The following SYT9 variants were observed in gnomAD, a reference collection of about 807,000 sequenced individuals.
SYT9 encodes synaptotagmin-9.
In SYT9, 22 loss-of-function variants were observed where a neutral mutation model predicts 48.4. That is an observed-to-expected ratio of 0.45 (90% CI 0.32 to 0.65). The LOEUF (loss-of-function observed/expected upper bound fraction) is 0.65. Among genes scored for constraint, SYT9 ranks in the 30% least tolerant of loss-of-function variants. The pLI is 0.03. For missense variants in SYT9, 577 were observed against 622.0 expected (o/e 0.93, Z 0.77); for synonymous variants, 265 against 245.0 (o/e 1.08, Z -0.76).
intron 1 of SYT9, among the ~76,000 whole-genome samples, chr11:7,299,144 CAT>C (rs1427011086): frequency 6.6e-6 from 1 of 152,076 alleles, no homozygotes; most frequent in Non-Finnish European, 1.5e-5. Flanking sequence ...CTCATGAACA[CAT>C]GTAAAAATTA....
At chr11:7,393,115 G>A (rs1846669309) in intron 3 of SYT9, among the ~76,000 whole-genome samples, 6 of 151,974 alleles carry the variant, frequency 3.9e-5, no homozygotes, top group Admixed American at 3.9e-4. Flanking sequence ...GATCACTCTG[G>A]CTAGAACTTC....
intron 6 of SYT9, among the ~76,000 whole-genome samples, chr11:7,423,730 C>G (rs1167902841): frequency 1.3e-5 from 2 of 152,064 alleles, no homozygotes; most frequent in African/African-American, 2.4e-5. Flanking sequence ...AGAGAAAGGC[C>G]GGGAATCCAC....
At chr11:7,334,876 T>TG (rs1272621708) in intron 3 of SYT9, among the ~76,000 whole-genome samples, 1 of 152,238 alleles carries the variant, frequency 6.6e-6, no homozygotes, top group East Asian at 1.9e-4. Context: ...GTTTATCCCT[T>TG]GCCTATTAAT....
chr11:7,330,103 C>G (rs942685769), intron 3 of SYT9, among the ~76,000 whole-genome samples: 14 of 152,100 alleles, frequency 9.2e-5, no homozygotes. Flanking sequence ...TGTGAATGTT[C>G]ATAGCAGCTT....
chr11:7,440,925 G>C (rs764494890), intron 6 of SYT9: 2 of 152,208 alleles, frequency 1.3e-5, no homozygotes, highest in African/African-American at 4.8e-5. Flanking sequence ...CACAAGACCA[G>C]TTGCTATGAA....
At chr11:7,429,464 CAT>C (rs570933775) in intron 6 of SYT9, among the ~76,000 whole-genome samples, 82 of 152,308 alleles carry the variant, frequency 5.4e-4, no homozygotes, top group African/African-American at 1.7e-3. Context: ...GATTCTCAGT[CAT>C]GTGGTTGAGC....
intron 3 of SYT9, among the ~76,000 whole-genome samples, chr11:7,406,230 G>GGT (rs1847005214): frequency 1.3e-5 from 2 of 151,936 alleles, no homozygotes; most frequent in African/African-American, 4.8e-5. Context: ...TGCTACTATA[G>GGT]TCACTCTACT....
Position 7,414,141 on chromosome 11 carries a change from A to G in SYT9, c.1045-1901A>G, listed in dbSNP as rs60185035. 1.1e-3 allele frequency among the ~76,000 whole-genome samples: 173 copies of G among 152,344 alleles called. 4 individuals are homozygous for G. The East Asian group carries it at 0.024, about 21-fold the overall frequency. ...GCCTTGAGGGCAGAGATTAGACGGC[A>G]TGCATTTTCACATCCCGAACCTTAC... On this transcript the variant is annotated intron_variant, in intron 3 of 6. Coordinates refer to ENST00000318881, the MANE Select transcript of SYT9 (RefSeq NM_175733.4).
At chr11:7,454,369 T>C (rs1282204371) in intron 6 of SYT9, 1 of 936,656 alleles carries the variant, frequency 1.1e-6, no homozygotes, top group African/African-American at 1.8e-5. Flanking sequence ...CAGCCATCTT[T>C]AGAGGCCTTC....
intron 3 of SYT9, among the ~76,000 whole-genome samples, chr11:7,389,274 T>C (rs1333426457): frequency 6.6e-6 from 1 of 152,108 alleles, no homozygotes; most frequent in East Asian, 1.9e-4. Flanking sequence ...CCTGACACAA[T>C]GGTACTAAAA....
chr11:7,439,654 G>A (rs1847788648), intron 6 of SYT9: 1 of 152,372 alleles, frequency 6.6e-6, no homozygotes, highest in African/African-American at 2.4e-5. Flanking sequence ...CAAATGAGAG[G>A]TCAGGACAAG....
intron 3 of SYT9, among the ~76,000 whole-genome samples, chr11:7,382,269 G>T (rs1188945055): frequency 6.6e-6 from 1 of 152,212 alleles, no homozygotes; most frequent in African/African-American, 2.4e-5. Context: ...GGTATCTTAA[G>T]ATAGGGTAGC....
At chr11:7,370,277 G>A (rs1850338473) in intron 3 of SYT9, among the ~76,000 whole-genome samples, 1 of 152,158 alleles carries the variant, frequency 6.6e-6, no homozygotes, top group African/African-American at 2.4e-5. Context: ...TGGCATTGCT[G>A]AAACAAGTCA....
intron 5 of SYT9, among the ~76,000 whole-genome samples, chr11:7,418,906 C>T (rs1325901147): frequency 1.3e-5 from 2 of 152,204 alleles, no homozygotes; most frequent in Non-Finnish European, 2.9e-5. Flanking sequence ...GGTCTGGACA[C>T]AATTATTAAA....
intron 6 of SYT9, among the ~76,000 whole-genome samples, chr11:7,451,100 T>A (rs1848039041): frequency 6.6e-6 from 1 of 152,224 alleles, no homozygotes; most frequent in Non-Finnish European, 1.5e-5. Context: ...ATGTAGGTTT[T>A]TTGCTAATGT....
chr11:7,248,238 T>G (rs1413853279), upstream of SYT9, among the ~76,000 whole-genome samples: 1 of 152,168 alleles, frequency 6.6e-6, no homozygotes, highest in African/African-American at 2.4e-5. Context: ...CTTTGTCAGA[T>G]GTATAGATTG....
intron 2 of SYT9, among the ~76,000 whole-genome samples, chr11:7,305,025 T>A (rs1849007368): frequency 6.6e-6 from 1 of 152,132 alleles, no homozygotes; most frequent in Non-Finnish European, 1.5e-5. Context: ...AACAAACTGA[T>A]AGCAATGATG....
In SYT9 at chr11:7,367,277, T is replaced by C. The variant is rs371667751; in HGVS notation, c.1045-48765T>C. Reference sequence around the variant, plus strand: ...TTTTTTTTTTTTTTGGTATTTTTAGTAGAGACGGGGTTTCACCGTGGTCTC... The same window carrying C: ...TTTTTTTTTTTTTTGGTATTTTTAGCAGAGACGGGGTTTCACCGTGGTCTC... On this transcript the variant is annotated intron_variant, in intron 3 of 6. Coordinates refer to ENST00000318881, the MANE Select transcript of SYT9 (RefSeq NM_175733.4). Among the ~76,000 whole-genome samples the C allele has an allele frequency of 2.6e-3, 392 of 149,670 alleles. 4 individuals are homozygous for C. The highest frequency in any genetic ancestry group is 9.2e-3 in the African/African-American group (375 of 40,640).
intron 1 of SYT9, among the ~76,000 whole-genome samples, chr11:7,241,066 A>AT: frequency 6.6e-6 from 1 of 152,304 alleles, no homozygotes; most frequent in African/African-American, 2.4e-5. Context: ...AAAAGAAAAA[A>AT]ACTATATTTT....
Sources: allele counts gnomAD v4.1 joint callset (sites outside exome capture counted in the v4.1 genomes callset), GRCh38; gene constraint gnomAD v4.1.1; transcripts MANE v1.5; gene names NCBI Gene and HGNC (gene_info 2026-07-23, HGNC 2026-07-21).